Variants in SOX6 observed in about 807,000 individuals in gnomAD.
SOX6 encodes transcription factor SOX-6.
Under a neutral mutation model 97.8 loss-of-function variants are expected in SOX6, and 11 were observed. The observed-to-expected ratio is 0.11, with a 90% CI of 0.07 to 0.19. SOX6 has a LOEUF of 0.19. SOX6 is among the 10% of genes least tolerant of loss of function. The pLI, the probability that SOX6 is intolerant of heterozygous loss-of-function variation, is 1.00. For synonymous variants in SOX6, 360 were observed against 371.4 expected (o/e 0.97, Z 0.35); for missense variants, 810 against 1,039.5 (o/e 0.78, Z 3.04).
chr11:16,019,556 G>A (rs999018232), intron 12 of SOX6, among the ~76,000 whole-genome samples: 23 of 151,958 alleles, frequency 1.5e-4, no homozygotes, highest in Admixed American at 7.2e-4. Flanking sequence ...CTAAATCTGT[G>A]TTATGAACTA....
intron 1 of SOX6, among the ~76,000 whole-genome samples, chr11:16,354,692 A>T (rs910108431): frequency 2.0e-5 from 3 of 151,994 alleles, no homozygotes; most frequent in Admixed American, 1.3e-4. Context: ...TGGAGACTGT[A>T]ACCCATTTGC....
intron 1 of SOX6, among the ~76,000 whole-genome samples, chr11:16,431,383 A>AT (rs1271949929): frequency 1.3e-5 from 2 of 152,102 alleles, no homozygotes; most frequent in African/African-American, 4.8e-5. Context: ...AGTTGACTCT[A>AT]CATCTAAGAT....
chr11:16,041,081 G>C (rs1258555247), intron 12 of SOX6, among the ~76,000 whole-genome samples: 1 of 152,010 alleles, frequency 6.6e-6, no homozygotes, highest in East Asian at 1.9e-4. Context: ...ACATAGAAAA[G>C]CAACACAAAC....
At chr11:16,528,455 A>G (rs1453608893) in intron 4 of SOX6, among the ~76,000 whole-genome samples, 1 of 152,116 alleles carries the variant, frequency 6.6e-6, no homozygotes, top group Non-Finnish European at 1.5e-5. Flanking sequence ...GTCCCAGTCC[A>G]CGAATATGTG....
intron 1 of SOX6, among the ~76,000 whole-genome samples, chr11:16,408,005 T>G (rs1166590469): frequency 2.0e-5 from 3 of 152,210 alleles, no homozygotes; most frequent in Non-Finnish European, 4.4e-5. Context: ...ATGGTTTGCC[T>G]TTTATAAATA....
intron 7 of SOX6, among the ~76,000 whole-genome samples, chr11:16,097,998 T>G (rs16932558): frequency 0.05 from 7,586 of 151,902 alleles, 629 homozygotes; most frequent in African/African-American, 0.17. Flanking sequence ...AAAATATCTT[T>G]AAGCCAGGCT....
chr11:16,490,992 G>A (rs1860502832), intron 4 of SOX6, among the ~76,000 whole-genome samples: 3 of 152,056 alleles, frequency 2.0e-5, no homozygotes, highest in African/African-American at 7.2e-5. Context: ...CAACAAAGAT[G>A]CCCACTACTT....
At chr11:16,364,609 T>A (rs547811483) in intron 1 of SOX6, among the ~76,000 whole-genome samples, 10 of 152,242 alleles carry the variant, frequency 6.6e-5, no homozygotes, top group Middle Eastern at 3.4e-3. Flanking sequence ...TTTACCCTGA[T>A]TACCTCACAA....
chr11:16,097,623 G>T lies in SOX6; in HGVS notation c.964C>A (p.Pro322Thr). Reference sequence around the variant, plus strand: ...CTGGCACTTACCTGGAGCTGTAAAGGGCTGAGTCCAGAAGCAGCAGCAGCT... The same window carrying T: ...CTGGCACTTACCTGGAGCTGTAAAGTGCTGAGTCCAGAAGCAGCAGCAGCT... ...MAAAAASGLS[P>T]LQLQKGHVSH... The change falls in exon 8 of 16, where the codon CCT (proline) becomes ACT (threonine). Residue 322 changes from proline to threonine, a missense_variant. Pro to Thr is a conservative substitution (Grantham distance 38). This residue lies in a region of SOX6 where 244 missense variants were observed against 261.0 expected (regional missense o/e 0.93). Transcript: ENST00000683767. The T allele has an allele frequency of 6.2e-7, 1 of 1,611,014 alleles. No homozygotes were observed. The highest frequency in any genetic ancestry group is 8.5e-7 in the Non-Finnish European group (1 of 1,177,952).
At position 16,354,047 on chromosome 11, in the gene SOX6, G is replaced by A. The variant is rs572247758; in HGVS notation, c.-5+2047C>T. On this transcript the variant is annotated intron_variant, in intron 1 of 15. Coordinates refer to ENST00000683767, the MANE Select transcript of SOX6 (RefSeq NM_001367873.1). ...AACTGCTTGCTACCAGTCTTACCAG[G>A]ATCTATTGCCAGAAGGAAAAGTACA... Among the ~76,000 whole-genome samples, 29 of 152,028 alleles carry A rather than the reference G, an allele frequency of 1.9e-4. No individual in the cohort carries two copies. In the South Asian group the frequency reaches 3.9e-3, roughly 21 times the overall value.
At chr11:16,636,010 G>A (rs530444115) in intron 3 of SOX6, among the ~76,000 whole-genome samples, 13 of 152,342 alleles carry the variant, frequency 8.5e-5, no homozygotes, top group South Asian at 4.1e-4. Flanking sequence ...CTAGGGCAGC[G>A]CAGAAGGGAA....
rs575698957 is a variant in SOX6, at chr11:16,436,642, T to G, written c.-5+39673A>C. On this transcript the variant is annotated intron_variant, in intron 1 of 15. Transcript: ENST00000396356. ...AGGCAAAATAGTTAATCTTTCTAAC[T>G]CTCAGTTTCCTCATCTGTAAAATAG... is the stretch of plus-strand genomic sequence containing the variant. Among the ~76,000 whole-genome samples, 29 of 152,316 alleles carry G rather than the reference T, an allele frequency of 1.9e-4. No homozygotes were observed. The Middle Eastern group carries it at 0.014, about 71-fold the overall frequency.
At chr11:16,487,943 T>C (rs1860461050) in intron 4 of SOX6, among the ~76,000 whole-genome samples, 1 of 152,146 alleles carries the variant, frequency 6.6e-6, no homozygotes, top group Non-Finnish European at 1.5e-5. Flanking sequence ...ACTATAAAAA[T>C]AACAACTGCA....
intron 3 of SOX6, among the ~76,000 whole-genome samples, chr11:16,626,499 T>C (rs533020529): frequency 6.6e-6 from 1 of 152,336 alleles, no homozygotes; most frequent in African/African-American, 2.4e-5. Flanking sequence ...CCAAATTTAT[T>C]CTTTTTGGTT....
intron 4 of SOX6, among the ~76,000 whole-genome samples, chr11:16,198,220 ATTTTTTTTTC>A (rs1196107856): frequency 4.0e-5 from 4 of 99,996 alleles, no homozygotes; most frequent in Non-Finnish European, 5.7e-5. Context: ...CGCCCTGCTA[ATTTTTTTTTC>A]TTTTTTTTTT....
At chr11:16,507,676 C>T (rs72873376) in intron 4 of SOX6, among the ~76,000 whole-genome samples, 14,800 of 152,158 alleles carry the variant, frequency 0.097, 834 homozygotes, top group Non-Finnish European at 0.13. Flanking sequence ...AAGACACCCT[C>T]TTCTAGAAAT....
At chr11:16,669,887 C>T (rs530816832) in intron 3 of SOX6, among the ~76,000 whole-genome samples, 155 of 152,282 alleles carry the variant, frequency 1.0e-3, no homozygotes, top group Middle Eastern at 3.4e-3. Flanking sequence ...AGGAGAAAAT[C>T]CCAGAGTCAA....
intron 3 of SOX6, among the ~76,000 whole-genome samples, chr11:16,700,359 AAGAG>A (rs1445519245): frequency 1.3e-5 from 2 of 152,234 alleles, no homozygotes; most frequent in Non-Finnish European, 2.9e-5. Flanking sequence ...AAAGGAGCTG[AAGAG>A]TTCATCAGGA....
At chr11:16,191,806 G>T (rs1449069449) in intron 4 of SOX6, among the ~76,000 whole-genome samples, 1 of 151,376 alleles carries the variant, frequency 6.6e-6, no homozygotes, top group African/African-American at 2.4e-5. Context: ...ACTATAAACT[G>T]TATCTGTTCT....
Sources: gnomAD v4.1 joint callset for allele counts (sites outside exome capture counted in the v4.1 genomes callset) on GRCh38, gnomAD v4.1.1 for gene constraint, gnomAD v4.1.1 regional missense constraint, MANE v1.5 for transcripts, NCBI Gene and HGNC (gene_info 2026-07-23, HGNC 2026-07-21) for gene names.